FER: variants seen among roughly 807,000 people sequenced by gnomAD.
FER encodes the protein tyrosine-protein kinase Fer.
A neutral mutation model predicts 111.0 loss-of-function variants in FER; 63 were observed. The ratio of observed to expected loss-of-function variants is 0.57; its 90% confidence interval spans 0.46 to 0.70. The LOEUF is 0.70. Among genes scored for constraint, FER ranks in the 30% least tolerant of loss-of-function variants. FER has a pLI of 0.00. For synonymous variants in FER, 327 were observed against 313.9 expected, an observed-to-expected ratio of 1.04 and a Z score of -0.44; for missense variants, 914 against 954.0, an observed-to-expected ratio of 0.96 and a Z score of 0.55.
chr5:109,089,895 A>G (rs1226005760), intron 16 of FER, among the ~76,000 whole-genome samples: 2 of 152,146 alleles, frequency 1.3e-5, no homozygotes, highest in African/African-American at 4.8e-5. Context: ...ATTGAAAACA[A>G]GGGAGAGTAG....
At chr5:109,019,045 C>A (rs564728152) in intron 13 of FER, among the ~76,000 whole-genome samples, 2 of 151,160 alleles carry the variant, frequency 1.3e-5, no homozygotes, top group African/African-American at 4.9e-5. Context: ...TCAAAAGATA[C>A]AAGCAGAAAC....
chr5:109,030,488 C>T (rs2149858936), intron 13 of FER, among the ~76,000 whole-genome samples: 1 of 152,268 alleles, frequency 6.6e-6, no homozygotes, highest in African/African-American at 2.4e-5. Context: ...AGGGCCTGGC[C>T]TGCTTTAAAT....
chr5:109,159,372 C>A (rs760682732), intron 17 of FER, among the ~76,000 whole-genome samples: 1 of 152,120 alleles, frequency 6.6e-6, no homozygotes, highest in Non-Finnish European at 1.5e-5. Flanking sequence ...AGCAGCATCT[C>A]TCATTCTATG....
intron 13 of FER, among the ~76,000 whole-genome samples, chr5:108,971,272 C>CAA (rs201694196): frequency 0.016 from 1,230 of 74,740 alleles, 11 homozygotes; most frequent in Non-Finnish European, 0.023. Context: ...GAACCTGTCT[C>CAA]AAAAAAAAAA....
At chr5:109,133,002 T>C (rs1752525349) in intron 17 of FER, among the ~76,000 whole-genome samples, 1 of 152,194 alleles carries the variant, frequency 6.6e-6, no homozygotes, top group African/African-American at 2.4e-5. Context: ...TCCTCATATG[T>C]AGTTTCCAAA....
At chr5:108,893,939 C>G (rs952554105) in intron 9 of FER, among the ~76,000 whole-genome samples, 7 of 150,612 alleles carry the variant, frequency 4.6e-5, no homozygotes, top group Non-Finnish European at 1.0e-4. Flanking sequence ...AAGACATACC[C>G]AAGACTGGGT....
intron 13 of FER, among the ~76,000 whole-genome samples, chr5:109,010,321 C>T (rs956305683): frequency 1.3e-5 from 2 of 152,066 alleles, no homozygotes; most frequent in Non-Finnish European, 2.9e-5. Flanking sequence ...CCACGCCTGG[C>T]TAATTTTTTG....
At chr5:108,954,106 T>C (rs951065214) in intron 11 of FER, among the ~76,000 whole-genome samples, 1 of 152,090 alleles carries the variant, frequency 6.6e-6, no homozygotes, top group African/African-American at 2.4e-5. Flanking sequence ...TGTAATTGCA[T>C]GTTGGTGGTT....
intron 12 of FER, among the ~76,000 whole-genome samples, chr5:108,957,970 T>C (rs1445679053): frequency 1.3e-5 from 2 of 151,660 alleles, no homozygotes; most frequent in Non-Finnish European, 1.5e-5. Context: ...TCAGTGCTAA[T>C]ATATCATAGG....
intron 16 of FER, among the ~76,000 whole-genome samples, chr5:109,074,404 G>GCAACCCAACTCT (rs1776092617): frequency 6.6e-6 from 1 of 152,194 alleles, no homozygotes; most frequent in Non-Finnish European, 1.5e-5. Flanking sequence ...AGGATTGCTA[G>GCAACCCAACTCT]AGTTGGGTCT....
chr5:109,083,305 C>T (rs976091971), intron 16 of FER, among the ~76,000 whole-genome samples: 15 of 151,994 alleles, frequency 9.9e-5, no homozygotes, highest in African/African-American at 3.4e-4. Context: ...TGTAGGTCTT[C>T]ATCCAGTTCT....
At chr5:108,833,492 T>TTC (rs1760265665) in intron 4 of FER, among the ~76,000 whole-genome samples, 1 of 151,376 alleles carries the variant, frequency 6.6e-6, no homozygotes. Context: ...CTACCCACTT[T>TTC]TTTTTTTTTT....
chr5:108,935,729 T>C (rs985796277), intron 10 of FER, among the ~76,000 whole-genome samples: 4 of 152,098 alleles, frequency 2.6e-5, no homozygotes, highest in Non-Finnish European at 5.9e-5. Flanking sequence ...AGTCATAATA[T>C]TTCGGGACTG....
intron 5 of FER, among the ~76,000 whole-genome samples, chr5:108,841,126 C>T (rs1761222703): frequency 6.6e-6 from 1 of 152,132 alleles, no homozygotes; most frequent in Non-Finnish European, 1.5e-5. Context: ...TCTCTTTTTA[C>T]GTTTAACTCT....
intron 13 of FER, among the ~76,000 whole-genome samples, chr5:108,961,764 A>G (rs1041798308): frequency 3.9e-5 from 6 of 152,326 alleles, no homozygotes; most frequent in African/African-American, 1.2e-4. Flanking sequence ...TGAGTACATA[A>G]CAAATTGATA....
At chr5:109,094,452 G>C (rs1473112427) in intron 16 of FER, among the ~76,000 whole-genome samples, 10 of 152,084 alleles carry the variant, frequency 6.6e-5, no homozygotes, top group Admixed American at 6.6e-4. Flanking sequence ...GATTTGGAAT[G>C]CTCGACCAAT....
chr5:109,083,711 G>A (rs1777243724), intron 16 of FER, among the ~76,000 whole-genome samples: 1 of 151,960 alleles, frequency 6.6e-6, no homozygotes, highest in Non-Finnish European at 1.5e-5. Context: ...CCATTTCTCA[G>A]GGATGTATCT....
Position 109,193,703 on chromosome 5 carries a change from C to T in FER, c.*6128C>T, listed in dbSNP as rs1054614597. ...AGTATTTGACTTCTGATTACTATTT[C>T]CTTTTCTCATCTTTAGTTTTTCAAG... is the stretch of plus-strand genomic sequence containing the variant. On this transcript the variant is annotated 3_prime_UTR_variant, in exon 20 of 20. Coordinates refer to ENST00000281092, the MANE Select transcript of FER (RefSeq NM_005246.4). 2.0e-5 allele frequency: 3 copies of T among 152,122 alleles called. No homozygotes were observed. Among genetic ancestry groups the T allele is most frequent in the African/African-American group, 7.2e-5 (3 of 41,414 alleles). The allele number at this position is 152,122 out of a possible 1,614,324, so 9.4% of individuals were successfully genotyped here. A position where few individuals can be genotyped will look rare whatever the true frequency, so the allele number is the denominator to read the frequency against.
chr5:108,752,236 T>C (rs1370197849), intron 1 of FER, among the ~76,000 whole-genome samples: 1 of 152,078 alleles, frequency 6.6e-6, no homozygotes, highest in Admixed American at 6.5e-5. Context: ...TCCCTTTTTT[T>C]ACTCCTTTTC....
Sources: allele counts gnomAD v4.1 joint callset (sites outside exome capture counted in the v4.1 genomes callset), GRCh38; gene constraint gnomAD v4.1.1; transcripts MANE v1.5; gene names NCBI Gene and HGNC (gene_info 2026-07-23, HGNC 2026-07-21).